Variants in G6PC1 observed in about 807,000 individuals in gnomAD.
G6PC1 encodes glucose-6-phosphatase catalytic subunit 1.
In G6PC1, 23 loss-of-function variants were observed where a neutral mutation model predicts 30.4. The observed-to-expected ratio is 0.76, with a 90% confidence interval of 0.55 to 1.07. The LOEUF (loss-of-function observed/expected upper bound fraction) is 1.07, where lower values mean the gene tolerates loss of function less well. Among genes scored for constraint, G6PC1 ranks in the 50% least tolerant of loss-of-function variants. G6PC1 has a pLI of 0.00. For synonymous variants in G6PC1, 163 were observed against 175.6 expected, an observed-to-expected ratio of 0.93 and a Z score of 0.57; for missense variants, 391 against 433.9, an observed-to-expected ratio of 0.90 and a Z score of 0.88.
In G6PC1 at chr17:42,911,443, G is replaced by C; in HGVS notation, c.*17G>C. The C allele has an allele frequency of 6.2e-7, 1 of 1,614,008 alleles. No homozygotes were observed. The highest frequency in any genetic ancestry group is 8.5e-7 in the Non-Finnish European group (1 of 1,180,028). On this transcript the variant is annotated 3_prime_UTR_variant, in exon 5 of 5. Coordinates refer to ENST00000253801, the MANE Select transcript of G6PC1 (RefSeq NM_000151.4). ...TCGTTGTAAGAGATGTGGAGTCTTC[G>C]GTGTTTAAAGTCAACAACCATGCCA...
chr17:42,914,387 G>A lies in G6PC1; in HGVS notation c.*2961G>A, dbSNP rs968368712. Among the ~76,000 whole-genome samples, 1 of 152,136 alleles carries A rather than the reference G, an allele frequency of 6.6e-6. No homozygotes were observed. Among genetic ancestry groups the A allele is most frequent in the African/African-American group, 2.4e-5 (1 of 41,440 alleles). On this transcript the variant is annotated 3_prime_UTR_variant, in exon 5 of 5. Transcript: ENST00000253801. ...GCCCCCACTCCCTGAAGTTTATGAGGTTGATAAGAAAACATAACAGATAAA... is the reference window on the plus strand; with the variant it reads ...GCCCCCACTCCCTGAAGTTTATGAGATTGATAAGAAAACATAACAGATAAA...
chr17:42,908,773 G>T (rs889253145), intron 3 of G6PC1, among the ~76,000 whole-genome samples: 1 of 142,790 alleles, frequency 7.0e-6, no homozygotes, highest in Non-Finnish European at 1.5e-5. Flanking sequence ...GCGCAGTCTC[G>T]GCTCACTGTA....
chr17:42,901,063 TG>T lies in G6PC1; in HGVS notation c.190del (p.Val64Ter). On this transcript the variant is annotated frameshift_variant, in exon 1 of 5. Coordinates refer to ENST00000253801, the MANE Select transcript of G6PC1 (RefSeq NM_000151.4). LOFTEE classifies it high-confidence loss of function. ...LQEAVGIKLL[W>X]VAVIGDWLNL... is the part of the protein sequence containing the mutation. ...GGAAGCTGTGGGCATTAAACTCCTT[TG>T]GGTAGCTGTGATTGGAGACTGGCTC... 6.2e-7 allele frequency: 1 copy of T among 1,614,146 alleles called. No homozygotes were observed. The highest frequency in any genetic ancestry group is 8.5e-7 in the Non-Finnish European group (1 of 1,180,016).
intron 1 of G6PC1, 65 bp downstream of exon 1, chr17:42,901,171 T>A: frequency 7.1e-7 from 1 of 1,405,866 alleles, no homozygotes; most frequent in Non-Finnish European, 1.0e-6. Flanking sequence ...GCAATGTCTG[T>A]CCATCAGAAG....
In G6PC1 at chr17:42,909,396, A is replaced by C. The variant is rs1247537364; in HGVS notation, c.540A>C (p.Gln180His). The C allele has an allele frequency of 1.9e-6, 3 of 1,613,912 alleles. No homozygotes were observed. The change falls in exon 4 of 5, where the codon CAA becomes CAC. Residue 180 changes from glutamine (Q) to histidine (H), a missense_variant. Transcript: ENST00000253801. ...RIYLAAHFPH[Q>H]VVAGVLSGIA... ...ACCTTGCTGCTCATTTTCCTCATCA[A>C]GTTGTTGCTGGAGTCCTGTCAGGTA...
Position 42,911,507 on chromosome 17 carries a change from G to C in G6PC1, c.*81G>C. Reference sequence around the variant, plus strand: ...ACTACTATTTGAAGCAATGGGCACTGGTATTTGGAGCAAGTGACATGCCAT... The same window carrying C: ...ACTACTATTTGAAGCAATGGGCACTCGTATTTGGAGCAAGTGACATGCCAT... On this transcript the variant is annotated 3_prime_UTR_variant, in exon 5 of 5. Coordinates refer to ENST00000253801, the MANE Select transcript of G6PC1 (RefSeq NM_000151.4). The C allele has an allele frequency of 1.3e-6, 2 of 1,590,180 alleles. No individual in the cohort carries two copies. The highest frequency in any genetic ancestry group is 1.7e-6 in the Non-Finnish European group (2 of 1,163,894).
chr17:42,903,131 T>C (rs1183377698), intron 1 of G6PC1, among the ~76,000 whole-genome samples: 1 of 150,376 alleles, frequency 6.6e-6, no homozygotes, highest in African/African-American at 2.5e-5. Flanking sequence ...ACCCAGCCTG[T>C]AGTGCAGTGG....
rs397735497 is a variant in G6PC1 at position 42,912,638 on chromosome 17, C to CTT, written c.*1226_*1227dup. 1.8e-3 allele frequency: 255 copies of CTT among 139,566 alleles called. 1 individual carries two copies. The highest frequency in any genetic ancestry group is 5.4e-3 in the East Asian group (26 of 4,794). 8.6% of individuals were successfully genotyped at this position (139,566 alleles called of 1,614,324 possible). A position where few individuals can be genotyped will look rare whatever the true frequency, so the allele number is the denominator to read the frequency against. The stretch of plus-strand genomic sequence containing the variant: ...TAAAGGAAAAGTCAACATCTTCTCT[C>CTT]TTTTTTTTTTTTTTTGAGACAGGGT... On this transcript the variant is annotated 3_prime_UTR_variant, in exon 5 of 5. Transcript: ENST00000253801.
rs760002677 is a variant in G6PC1, at chr17:42,903,902, C to T, written c.231-29C>T. ...TTGGGCAAAAGCATTCATTCAGTAACCCCAGAAACTTGTTCTGTTTTTCCA... is the reference window on the plus strand; with the variant it reads ...TTGGGCAAAAGCATTCATTCAGTAATCCCAGAAACTTGTTCTGTTTTTCCA... On this transcript the variant is annotated intron_variant, in intron 1 of 4. Coordinates refer to ENST00000253801, the MANE Select transcript of G6PC1 (RefSeq NM_000151.4). The T allele has an allele frequency of 3.4e-5, 50 of 1,452,046 alleles. No homozygotes were observed. The Admixed American group carries it at 6.0e-4, about 17-fold the overall frequency. The allele number at this position is 1,452,046 out of a possible 1,614,324, so 89.9% of individuals were successfully genotyped here.
chr17:42,904,147 T>C lies in G6PC1; in HGVS notation c.340+107T>C. ...GAGGAGAGCCATTCCTTTGTACTTTTGTCATGCTCTTCAATTGGCACAAAT... is the reference window on the plus strand; with the variant it reads ...GAGGAGAGCCATTCCTTTGTACTTTCGTCATGCTCTTCAATTGGCACAAAT... On this transcript the variant is annotated intron_variant, in intron 2 of 4. Transcript: ENST00000253801. The C allele has an allele frequency of 7.5e-6, 6 of 800,576 alleles. No individual in the cohort carries two copies. In the South Asian group the frequency reaches 8.1e-5, roughly 11 times the overall value. 49.6% of individuals were successfully genotyped at this position (800,576 alleles called of 1,614,324 possible).
Position 42,911,481 on chromosome 17 carries a change from GACT to G in G6PC1, c.*60_*62del. ...AACAACCATGCCAGGGATTGAGGAG[GACT>G]ACTATTTGAAGCAATGGGCACTGGT... is the stretch of plus-strand genomic sequence containing the variant. On this transcript the variant is annotated 3_prime_UTR_variant, in exon 5 of 5. Transcript: ENST00000253801. The G allele has an allele frequency of 5.0e-6, 8 of 1,612,050 alleles. No individual in the cohort carries two copies. The highest frequency in any genetic ancestry group is 6.8e-6 in the Non-Finnish European group (8 of 1,179,440).
chr17:42,902,251 TTTTG>T (rs925732912), intron 1 of G6PC1, among the ~76,000 whole-genome samples: 32 of 152,250 alleles, frequency 2.1e-4, no homozygotes, highest in African/African-American at 3.6e-4. Context: ...TCTTTCTTTC[TTTTG>T]TTTGTTTGTT....
intron 2 of G6PC1, among the ~76,000 whole-genome samples, chr17:42,906,259 G>C (rs568089046): frequency 4.6e-5 from 7 of 152,126 alleles, no homozygotes; most frequent in African/African-American, 1.7e-4. Context: ...AACTATACTT[G>C]TAGAAGGGAA....
chr17:42,904,535 A>G (rs1047888896), intron 2 of G6PC1, among the ~76,000 whole-genome samples: 4 of 152,164 alleles, frequency 2.6e-5, no homozygotes, highest in African/African-American at 7.2e-5. Flanking sequence ...GCTGCCCTCT[A>G]AGACTAGTAC....
At position 42,911,420 on chromosome 17, in the gene G6PC1, G is replaced by T; in HGVS notation, c.1068G>T (p.Ser356=). 1 of 1,614,068 alleles carries T rather than the reference G, an allele frequency of 6.2e-7. No homozygotes were observed. Among genetic ancestry groups the T allele is most frequent in the Non-Finnish European group, 8.5e-7 (1 of 1,179,966 alleles). ...AQVLGQPHKK[S]L is the part of the protein sequence containing the mutation. ...TCCTGGGCCAGCCGCACAAGAAGTC[G>T]TTGTAAGAGATGTGGAGTCTTCGGT... is the stretch of plus-strand genomic sequence containing the variant. The change falls in exon 5 of 5, where the codon TCG becomes TCT. Residue 356 remains serine (S), a synonymous_variant. Transcript: ENST00000253801.
In G6PC1 at chr17:42,900,985, G is replaced by T; in HGVS notation, c.109G>T (p.Ala37Ser). 3.1e-6 allele frequency: 5 copies of T among 1,614,160 alleles called. No homozygotes were observed. The highest frequency in any genetic ancestry group is 4.2e-6 in the Non-Finnish European group (5 of 1,180,016). The part of the protein sequence containing the change: ...QDWFILVSVI[A>S]DLRNAFYVLF... ...CTGGTTCATCTTGGTGTCCGTGATC[G>T]CAGACCTCAGGAATGCCTTCTACGT... The change falls in exon 1 of 5, where the codon GCA (alanine) becomes TCA (serine). Residue 37 changes from alanine (A) to serine (S), a missense_variant. Physicochemically the swap from Ala to Ser is moderately conservative, Grantham distance 99. Coordinates refer to ENST00000253801, the MANE Select transcript of G6PC1 (RefSeq NM_000151.4).
At chr17:42,909,838 AGGTTCAGAGTTTTGAATAT>A (rs1297646448) in intron 4 of G6PC1, among the ~76,000 whole-genome samples, 1 of 151,788 alleles carries the variant, frequency 6.6e-6, no homozygotes, top group African/African-American at 2.4e-5. Context: ...TCTCTTTTAT[AGGTTCAGAGTTTTGAATAT>A]GTTTTTTTTT....
intron 2 of G6PC1, among the ~76,000 whole-genome samples, chr17:42,906,631 A>G (rs1446625881): frequency 2.0e-5 from 3 of 152,184 alleles, no homozygotes; most frequent in Non-Finnish European, 2.9e-5. Context: ...TAATCCCAAC[A>G]CTTTGGGAGG....
At chr17:42,902,959 G>A (rs181502073) in intron 1 of G6PC1, among the ~76,000 whole-genome samples, 1 of 151,932 alleles carries the variant, frequency 6.6e-6, no homozygotes, top group East Asian at 1.9e-4. Flanking sequence ...AGGCCTGAGG[G>A]AACCCATGGT....
Sources: gnomAD v4.1 joint callset for allele counts (sites outside exome capture counted in the v4.1 genomes callset) on GRCh38, gnomAD v4.1.1 for gene constraint, MANE v1.5 for transcripts, NCBI Gene and HGNC (gene_info 2026-07-23, HGNC 2026-07-21) for gene names.